RNASE4: variants seen among roughly 807,000 people sequenced by gnomAD.
RNASE4 encodes ribonuclease A family member 4.
For missense variants in RNASE4, 194 were observed against 192.8 expected, an observed-to-expected ratio of 1.01 and a Z score of -0.04; for synonymous variants, 93 against 71.4, an observed-to-expected ratio of 1.30 and a Z score of -1.52.
At position 20,693,697 on chromosome 14, in the gene RNASE4, C is replaced by T. The variant is rs746187039; in HGVS notation, c.-17-5658C>T. ...GCACTATGATGCCAAACCACAGGGC[C>T]GGGATGACAGATACTGTGAAAGCAT... On this transcript the variant is annotated intron_variant, in intron 1 of 1. Transcript: ENST00000555835. 12 of 1,614,010 alleles carry T rather than the reference C, an allele frequency of 7.4e-6. No homozygotes were observed. The highest frequency in any genetic ancestry group is 4.5e-5 in the East Asian group (2 of 44,890).
Position 20,699,838 on chromosome 14 carries a change from G to C in RNASE4, c.*23G>C. On this transcript the variant is annotated 3_prime_UTR_variant, in exon 2 of 2. Transcript: ENST00000555835. ...TAGATGCCACCATGTAGGGATTATC[G>C]CGAGTGGTTGACCTTACACTTACTC... The C allele has an allele frequency of 6.2e-7, 1 of 1,603,150 alleles. No homozygotes were observed. The highest frequency in any genetic ancestry group is 1.7e-4 in the Middle Eastern group (1 of 6,026).
chr14:20,689,837 A>G (rs1886620301), intron 1 of RNASE4, among the ~76,000 whole-genome samples: 1 of 150,692 alleles, frequency 6.6e-6, no homozygotes, highest in African/African-American at 2.5e-5. Flanking sequence ...AATTGCCTGA[A>G]CCTGGGAGGT....
rs565508787 is a variant in RNASE4 at position 20,699,568 on chromosome 14, A to G, written c.197A>G (p.His66Arg). The G allele has an allele frequency of 6.2e-7, 1 of 1,614,202 alleles. No homozygotes were observed. The highest frequency in any genetic ancestry group is 8.5e-7 in the Non-Finnish European group (1 of 1,180,038). The part of the protein sequence containing the change: ...MMQRRKMTLY[H>R]CKRFNTFIHE... ...CAAAGACGGAAGATGACTTTGTATC[A>G]CTGCAAGCGCTTCAACACCTTCATC... Residue 66 changes from histidine (H) to arginine (R), a missense_variant, in exon 2 of 2, where the codon CAC becomes CGC. By Grantham distance (29) the His-to-Arg change is conservative. Coordinates refer to ENST00000555835, the MANE Select transcript of RNASE4 (RefSeq NM_002937.5).
intron 1 of RNASE4, among the ~76,000 whole-genome samples, chr14:20,698,620 T>A (rs189625630): frequency 5.3e-4 from 81 of 152,244 alleles, no homozygotes; most frequent in Middle Eastern, 6.8e-3. Context: ...TGCTTTTTTT[T>A]AAAAAATAGA....
At position 20,699,940 on chromosome 14, in the gene RNASE4, A is replaced by G. The variant is rs1468875092; in HGVS notation, c.*125A>G. On this transcript the variant is annotated 3_prime_UTR_variant, in exon 2 of 2. Transcript: ENST00000555835. Reference sequence around the variant, plus strand: ...AGCTCATTTCCTACTCTTTTTCTCTATATAACTCATTCTATTAAATACATT... The same window carrying G: ...AGCTCATTTCCTACTCTTTTTCTCTGTATAACTCATTCTATTAAATACATT... 1.7e-5 allele frequency: 13 copies of G among 775,246 alleles called. No homozygotes were observed. The highest frequency in any genetic ancestry group is 8.6e-5 in the South Asian group (5 of 57,876). 48.0% of individuals were successfully genotyped at this position (775,246 alleles called of 1,614,324 possible). A position where few individuals can be genotyped will look rare whatever the true frequency, so the allele number is the denominator to read the frequency against.
intron 1 of RNASE4, chr14:20,693,903 G>T: frequency 6.2e-7 from 1 of 1,614,118 alleles, no homozygotes; most frequent in Non-Finnish European, 8.5e-7. Context: ...GTTCCCCCTG[G>T]CCTCCATGCC....
intron 1 of RNASE4, among the ~76,000 whole-genome samples, chr14:20,692,948 C>T (rs1016798701): frequency 5.9e-5 from 9 of 151,948 alleles, no homozygotes; most frequent in African/African-American, 9.7e-5. Flanking sequence ...CCCGGGTTCA[C>T]GCCATTCTCC....
At chr14:20,692,062 T>C (rs1405351841) in intron 1 of RNASE4, among the ~76,000 whole-genome samples, 1 of 152,248 alleles carries the variant, frequency 6.6e-6, no homozygotes, top group Non-Finnish European at 1.5e-5. Context: ...AAAATGTTCA[T>C]TGACTTACAC....
chr14:20,697,351 T>A (rs1242831100), intron 1 of RNASE4, among the ~76,000 whole-genome samples: 1 of 152,150 alleles, frequency 6.6e-6, no homozygotes, highest in Non-Finnish European at 1.5e-5. Flanking sequence ...CCTTCAGAAG[T>A]TGTATGCATT....
intron 1 of RNASE4, among the ~76,000 whole-genome samples, chr14:20,686,847 C>T (rs563697133): frequency 6.6e-6 from 1 of 152,266 alleles, no homozygotes; most frequent in Non-Finnish European, 1.5e-5. Flanking sequence ...CCATTCTTCC[C>T]ATCATCTAAT....
At chr14:20,696,194 G>C (rs1887088325) in intron 1 of RNASE4, among the ~76,000 whole-genome samples, 1 of 152,152 alleles carries the variant, frequency 6.6e-6, no homozygotes, top group African/African-American at 2.4e-5. Flanking sequence ...TCTGCTTGGA[G>C]CATTATCATC....
At chr14:20,697,283 G>A (rs565988169) in intron 1 of RNASE4, among the ~76,000 whole-genome samples, 40 of 152,258 alleles carry the variant, frequency 2.6e-4, no homozygotes, top group Middle Eastern at 6.8e-3. Context: ...AGGTGCCACC[G>A]GAAGAGCAAA....
intron 1 of RNASE4, chr14:20,698,990 G>A (rs17211656): frequency 0.16 from 27,105 of 173,874 alleles, 2,756 homozygotes; most frequent in Non-Finnish European, 0.23. Flanking sequence ...ATACACCTAC[G>A]GAGTTCCCCC....
intron 1 of RNASE4, chr14:20,694,251 C>T (rs1167388794): frequency 1.7e-6 from 1 of 605,220 alleles, no homozygotes; most frequent in Non-Finnish European, 3.0e-6. Flanking sequence ...TTGGCTGCTC[C>T]CTGAGAGGAC....
At chr14:20,687,085 G>A (rs903104344) in intron 1 of RNASE4, among the ~76,000 whole-genome samples, 3 of 152,164 alleles carry the variant, frequency 2.0e-5, no homozygotes, top group Non-Finnish European at 4.4e-5. Context: ...TGCAATTGGC[G>A]ATTCCTTCAT....
At chr14:20,698,578 C>T (rs1382290598) in intron 1 of RNASE4, among the ~76,000 whole-genome samples, 1 of 152,098 alleles carries the variant, frequency 6.6e-6, no homozygotes, top group Non-Finnish European at 1.5e-5. Context: ...TATCAACTGT[C>T]TTCTAAGAAC....
intron 1 of RNASE4, among the ~76,000 whole-genome samples, chr14:20,697,546 C>T (rs1328745973): frequency 6.6e-6 from 1 of 152,114 alleles, no homozygotes. Flanking sequence ...TTTAAAAGAA[C>T]AATATCCATG....
intron 1 of RNASE4, among the ~76,000 whole-genome samples, chr14:20,686,736 G>A (rs191910613): frequency 7.2e-5 from 11 of 152,318 alleles, no homozygotes; most frequent in East Asian, 5.8e-4. Context: ...TTCTTGCCAC[G>A]TGTGCTTTTC....
chr14:20,697,926 C>T (rs972845392), intron 1 of RNASE4, among the ~76,000 whole-genome samples: 3 of 152,144 alleles, frequency 2.0e-5, no homozygotes, highest in Admixed American at 6.5e-5. Flanking sequence ...GGCCAGATGG[C>T]AGCATCTGGC....
Sources: gnomAD v4.1 joint callset for allele counts (sites outside exome capture counted in the v4.1 genomes callset) on GRCh38, gnomAD v4.1.1 for gene constraint, MANE v1.5 for transcripts, NCBI Gene and HGNC (gene_info 2026-07-23, HGNC 2026-07-21) for gene names.